DOCK3: variants seen among roughly 807,000 people sequenced by gnomAD.
DOCK3 encodes dedicator of cytokinesis 3.
In DOCK3, 60 loss-of-function variants were observed where a neutral mutation model predicts 265.6. The observed-to-expected ratio is 0.23, with a 90% CI of 0.18 to 0.28. The LOEUF (loss-of-function observed/expected upper bound fraction) is 0.28. Ranked by LOEUF, DOCK3 falls within the 10% of genes least tolerant of loss-of-function variation. The pLI, the probability that DOCK3 is intolerant of heterozygous loss-of-function variation, is 1.00. For missense variants in DOCK3, 1,981 were observed against 2,594.3 expected (o/e 0.76, Z 5.14); for synonymous variants, 881 against 938.0 (o/e 0.94, Z 1.11).
At chr3:51,250,625 AAAC>A (rs2079165244) in intron 22 of DOCK3, among the ~76,000 whole-genome samples, 1 of 152,102 alleles carries the variant, frequency 6.6e-6, no homozygotes, top group Non-Finnish European at 1.5e-5. Context: ...TCTCAAGAGA[AAAC>A]AAACAAACAA....
intron 2 of DOCK3, among the ~76,000 whole-genome samples, chr3:50,814,285 A>G (rs976651977): frequency 3.3e-5 from 5 of 152,152 alleles, no homozygotes; most frequent in African/African-American, 1.2e-4. Context: ...TATTATTATT[A>G]GGACAGGATG....
intron 2 of DOCK3, among the ~76,000 whole-genome samples, chr3:50,830,941 A>T (rs1576577075): frequency 6.6e-6 from 1 of 152,204 alleles, no homozygotes; most frequent in Non-Finnish European, 1.5e-5. Context: ...AGATTATTCA[A>T]GAGTTTTCTA....
At chr3:51,070,790 C>T (rs960543128) in intron 6 of DOCK3, among the ~76,000 whole-genome samples, 73 of 152,226 alleles carry the variant, frequency 4.8e-4, no homozygotes, top group African/African-American at 1.4e-3. Context: ...GGTGAGCTGC[C>T]GGTGAGCCAG....
intron 5 of DOCK3, among the ~76,000 whole-genome samples, chr3:50,974,765 C>T (rs1320281930): frequency 7.2e-6 from 1 of 138,296 alleles, no homozygotes; most frequent in Non-Finnish European, 1.6e-5. Flanking sequence ...ATTCTTCCTA[C>T]CCATGAGCAT....
At chr3:51,295,134 A>G (rs2082008740) in intron 27 of DOCK3, among the ~76,000 whole-genome samples, 1 of 152,264 alleles carries the variant, frequency 6.6e-6, no homozygotes, top group South Asian at 2.1e-4. Flanking sequence ...TTGTGTTTCT[A>G]TAAAGGAATA....
Position 51,361,618 on chromosome 3 carries a change from CTGTAGGTAGAGGCT to C in DOCK3, c.5007-237_5007-224del, listed in dbSNP as rs1461017030. 6.6e-6 allele frequency among the ~76,000 whole-genome samples: 1 copy of C among 152,160 alleles called. No homozygotes were observed. Among genetic ancestry groups the C allele is most frequent in the Non-Finnish European group, 1.5e-5 (1 of 68,012 alleles). On this transcript the variant is annotated intron_variant, in intron 47 of 52. Transcript: ENST00000266037. This position sits in a 1 kb window ranked among gnomAD's most constrained non-coding sequence, Gnocchi z 4.2. ...AACTGAGTGGCCATAAGCCATGTAG[CTGTAGGTAGAGGCT>C]TGTCCAGTGTACCACACCATTGTCT... is the stretch of plus-strand genomic sequence containing the variant.
At chr3:51,209,056 G>A (rs2089370728) in intron 13 of DOCK3, among the ~76,000 whole-genome samples, 194 bp downstream of exon 13, 1 of 152,144 alleles carries the variant, frequency 6.6e-6, no homozygotes, top group South Asian at 2.1e-4. Flanking sequence ...AATACATTTT[G>A]TGTTTTTTCT....
chr3:51,123,775 G>T (rs891808296), intron 9 of DOCK3, among the ~76,000 whole-genome samples: 1 of 152,170 alleles, frequency 6.6e-6, no homozygotes, highest in Non-Finnish European at 1.5e-5. Flanking sequence ...AGGGAAGCAG[G>T]TATTTAACAT....
Position 51,341,352 on chromosome 3 carries a change from C to G in DOCK3, c.3882C>G (p.Cys1294Trp). ...QTEWQRKEGL[C>W]RKIIHYFNKG... ...AGTGGCAGCGGAAGGAGGGACTGTGCCGGAAGATCATTCACTACTTCAACA... is the reference window on the plus strand; with the variant it reads ...AGTGGCAGCGGAAGGAGGGACTGTGGCGGAAGATCATTCACTACTTCAACA... Residue 1294 changes from cysteine to tryptophan, a missense_variant, in exon 38 of 53, where the codon TGC becomes TGG. Cys to Trp is a radical substitution (Grantham distance 215). Around this residue, in one of 4 missense-constraint regions of DOCK3, gnomAD observed 1,357 missense variants for 1,866.8 expected, o/e 0.73. Transcript: ENST00000266037. 6.2e-7 allele frequency: 1 copy of G among 1,613,730 alleles called. No individual in the cohort carries two copies. The highest frequency in any genetic ancestry group is 1.1e-5 in the South Asian group (1 of 91,052).
At chr3:51,295,941 A>G (rs1275181398) in intron 27 of DOCK3, among the ~76,000 whole-genome samples, 3 of 152,180 alleles carry the variant, frequency 2.0e-5, no homozygotes, top group Non-Finnish European at 2.9e-5. Context: ...CCTGGGCTCA[A>G]GTGATCCTTC....
intron 5 of DOCK3, among the ~76,000 whole-genome samples, chr3:51,007,088 G>A (rs2078711522): frequency 6.6e-6 from 1 of 152,162 alleles, no homozygotes. Context: ...AAACATATGT[G>A]TGCATGTATC....
At chr3:50,974,856 A>C (rs2077378592) in intron 5 of DOCK3, among the ~76,000 whole-genome samples, 1 of 134,584 alleles carries the variant, frequency 7.4e-6, no homozygotes, top group Non-Finnish European at 1.6e-5. Flanking sequence ...GGTCCTTCAC[A>C]TCCCTTGTAA....
At chr3:50,995,655 AG>A (rs1471916506) in intron 5 of DOCK3, among the ~76,000 whole-genome samples, 1 of 152,222 alleles carries the variant, frequency 6.6e-6, no homozygotes. Flanking sequence ...TGAGTATTAC[AG>A]GCCTTCTTGA....
chr3:50,932,076 C>T (rs1266258525), intron 4 of DOCK3, among the ~76,000 whole-genome samples: 1 of 152,158 alleles, frequency 6.6e-6, no homozygotes, highest in Non-Finnish European at 1.5e-5. Flanking sequence ...TGCCATCTTG[C>T]TGATATTACC....
At chr3:51,134,512 T>C (rs2084706418) in intron 9 of DOCK3, among the ~76,000 whole-genome samples, 1 of 152,222 alleles carries the variant, frequency 6.6e-6, no homozygotes, top group African/African-American at 2.4e-5. Context: ...TCATTACCTA[T>C]GTCTCTTTGG....
At chr3:51,019,451 A>G (rs1369650461) in intron 5 of DOCK3, among the ~76,000 whole-genome samples, 3 of 151,720 alleles carry the variant, frequency 2.0e-5, no homozygotes, top group Admixed American at 6.6e-5. Context: ...TAGTTTATTT[A>G]TAGATTCTAT....
intron 1 of DOCK3, among the ~76,000 whole-genome samples, chr3:50,733,642 A>C (rs1194676344): frequency 6.6e-6 from 1 of 152,196 alleles, no homozygotes; most frequent in Non-Finnish European, 1.5e-5. Context: ...CCTATAGGCA[A>C]CATATAGTTG....
At chr3:50,996,311 G>C (rs2078282904) in intron 5 of DOCK3, among the ~76,000 whole-genome samples, 1 of 150,838 alleles carries the variant, frequency 6.6e-6, no homozygotes, top group Non-Finnish European at 1.5e-5. Context: ...TCCGCCTCCT[G>C]GGTTCATGCC....
intron 5 of DOCK3, among the ~76,000 whole-genome samples, chr3:50,966,232 A>G (rs2077028137): frequency 6.6e-6 from 1 of 152,108 alleles, no homozygotes; most frequent in African/African-American, 2.4e-5. Flanking sequence ...ACTGACAGAC[A>G]CTTAGGTTGT....
Sources: allele counts gnomAD v4.1 joint callset (sites outside exome capture counted in the v4.1 genomes callset), GRCh38; gene constraint gnomAD v4.1.1; regional missense constraint gnomAD v4.1.1; non-coding constraint Gnocchi (gnomAD v3.1); transcripts MANE v1.5; gene names NCBI Gene and HGNC (gene_info 2026-07-23, HGNC 2026-07-21).